Variants in SCG5 observed in about 807,000 individuals in gnomAD.
The protein encoded by SCG5 is neuroendocrine protein 7B2.
In SCG5, 18 loss-of-function variants were observed where a neutral mutation model predicts 25.7. The ratio of observed to expected loss-of-function variants is 0.70; its 90% CI spans 0.48 to 1.04. The LOEUF is 1.04. Among genes scored for constraint, SCG5 ranks in the 50% least tolerant of loss-of-function variants. The pLI is 0.00. For missense variants in SCG5, 206 were observed against 259.8 expected (o/e 0.79, Z 1.42); for synonymous variants, 101 against 91.7 (o/e 1.10, Z -0.58).
rs183863048 is a variant in SCG5, at chr15:32,678,636, A to G, written c.227-1130A>G. On this transcript the variant is annotated intron_variant, in intron 2 of 5. Coordinates refer to ENST00000300175, the MANE Select transcript of SCG5 (RefSeq NM_001144757.3). Reference sequence around the variant, plus strand: ...TTGGAAAACAGTTTGGCAATACAATATCAAGAGTCATTAAAATGTTTTATA... The same window carrying G: ...TTGGAAAACAGTTTGGCAATACAATGTCAAGAGTCATTAAAATGTTTTATA... 3.9e-5 allele frequency among the ~76,000 whole-genome samples: 6 copies of G among 152,362 alleles called. No individual in the cohort carries two copies. The East Asian group carries it at 1.2e-3, about 29-fold the overall frequency.
intron 2 of SCG5, among the ~76,000 whole-genome samples, chr15:32,646,020 G>A (rs1182324300): frequency 6.6e-6 from 1 of 151,982 alleles, no homozygotes; most frequent in African/African-American, 2.4e-5. Flanking sequence ...GGGTTTCACC[G>A]TGTTAGCCAG....
chr15:32,661,718 CT>C (rs1388640408), intron 2 of SCG5, among the ~76,000 whole-genome samples: 4 of 152,130 alleles, frequency 2.6e-5, no homozygotes, highest in Admixed American at 2.6e-4. Flanking sequence ...GCTCTAGAGG[CT>C]TTGTTTTTTC....
intron 5 of SCG5, among the ~76,000 whole-genome samples, chr15:32,693,534 C>T (rs1002367228): frequency 1.3e-5 from 2 of 152,176 alleles, no homozygotes; most frequent in African/African-American, 4.8e-5. Flanking sequence ...AGATGATGTT[C>T]CCATCTTGAT....
intron 3 of SCG5, among the ~76,000 whole-genome samples, chr15:32,680,322 AGTACCT>A (rs1418489130): frequency 2.7e-5 from 4 of 150,600 alleles, no homozygotes; most frequent in African/African-American, 9.8e-5. Flanking sequence ...CAGCCTCCCG[AGTACCT>A]GGGACTACAG....
chr15:32,657,220 T>TATATATATATATATA (rs71113464), intron 2 of SCG5, among the ~76,000 whole-genome samples: 34 of 106,534 alleles, frequency 3.2e-4, no homozygotes, highest in Middle Eastern at 5.1e-3. Context: ...TATGTATGTA[T>TATATATATATATATA]TTCCAGGTGT....
chr15:32,669,864 C>T (rs2054389907), intron 2 of SCG5, among the ~76,000 whole-genome samples: 1 of 141,028 alleles, frequency 7.1e-6, no homozygotes, highest in Non-Finnish European at 1.6e-5. Context: ...ACAAACACCG[C>T]TTCAGAAAAA....
At chr15:32,677,956 G>A (rs1432603487) in intron 2 of SCG5, among the ~76,000 whole-genome samples, 4 of 152,204 alleles carry the variant, frequency 2.6e-5, no homozygotes, top group South Asian at 4.1e-4. Flanking sequence ...GTTTTCGTAT[G>A]TATGAGACAC....
rs767858949 is a variant in SCG5, at chr15:32,696,626, G to GA, written c.*21dup. 6.4e-7 allele frequency: 1 copy of GA among 1,551,786 alleles called. No homozygotes were observed. Among genetic ancestry groups the GA allele is most frequent in the South Asian group, 1.1e-5 (1 of 88,292 alleles). On this transcript the variant is annotated 3_prime_UTR_variant, in exon 6 of 6. Coordinates refer to ENST00000300175, the MANE Select transcript of SCG5 (RefSeq NM_001144757.3). Reference sequence around the variant, plus strand: ...CCAGAGTAAAGAGAAGATGCTAGACGAAAACCCACATTACCTGTTAGGCCT... The same window carrying GA: ...CCAGAGTAAAGAGAAGATGCTAGACGAAAAACCCACATTACCTGTTAGGCCT...
chr15:32,685,061 G>A (rs1308305109), intron 4 of SCG5, among the ~76,000 whole-genome samples: 4 of 152,198 alleles, frequency 2.6e-5, no homozygotes, highest in African/African-American at 7.2e-5. Context: ...AACTAAGGGA[G>A]ATGATCTCTG....
At chr15:32,678,158 G>A (rs928423888) in intron 2 of SCG5, among the ~76,000 whole-genome samples, 2 of 152,194 alleles carry the variant, frequency 1.3e-5, no homozygotes, top group Non-Finnish European at 2.9e-5. Context: ...ACGATTTTGT[G>A]CATTTAGAAG....
chr15:32,696,376 C>G (rs775113233), intron 5 of SCG5, 138 bp from the exon 6 acceptor site: 9 of 585,938 alleles, frequency 1.5e-5, no homozygotes, highest in African/African-American at 3.7e-5. Flanking sequence ...CTCGGCCTCC[C>G]AAAGTGCTGG....
intron 2 of SCG5, among the ~76,000 whole-genome samples, chr15:32,647,099 G>C (rs1401426387): frequency 6.6e-6 from 1 of 152,088 alleles, no homozygotes; most frequent in African/African-American, 2.4e-5. Context: ...ATATGACCTT[G>C]GGCAAGTTAC....
chr15:32,670,725 T>C (rs746963946), intron 2 of SCG5, among the ~76,000 whole-genome samples: 5 of 152,278 alleles, frequency 3.3e-5, no homozygotes, highest in Non-Finnish European at 7.3e-5. Flanking sequence ...TCCCCTATTA[T>C]TGGAGAGCAA....
At chr15:32,657,862 G>A (rs1435160578) in intron 2 of SCG5, among the ~76,000 whole-genome samples, 1 of 152,166 alleles carries the variant, frequency 6.6e-6, no homozygotes, top group Non-Finnish European at 1.5e-5. Flanking sequence ...ACTTATTTAT[G>A]TAGGATCTCC....
intron 2 of SCG5, among the ~76,000 whole-genome samples, chr15:32,657,102 T>G (rs974127736): frequency 1.4e-5 from 2 of 147,716 alleles, no homozygotes; most frequent in Non-Finnish European, 3.0e-5. Context: ...GGCAGTCAAA[T>G]TAAATAATAT....
rs1478278102 is a variant in SCG5 at position 32,643,797 on chromosome 15, G to A, written c.205G>A (p.Val69Met). 3 of 1,613,698 alleles carry A rather than the reference G, an allele frequency of 1.9e-6. No individual in the cohort carries two copies. Among genetic ancestry groups the A allele is most frequent in the African/African-American group, 2.7e-5 (2 of 75,032 alleles). The change falls in exon 2 of 6, where the codon GTG (valine) becomes ATG (methionine). Residue 69 changes from valine (V) to methionine (M), a missense_variant. Coordinates refer to ENST00000300175, the MANE Select transcript of SCG5 (RefSeq NM_001144757.3). The part of the protein sequence containing the change: ...EYPAHQAMNL[V>M]GPQSIEGGAH... ...TCCAGCTCACCAGGCCATGAATCTT[G>A]TGGGCCCCCAGAGCATTGAAGGTAT...
At chr15:32,683,125 G>A (rs1251213432) in intron 3 of SCG5, among the ~76,000 whole-genome samples, 4 of 152,300 alleles carry the variant, frequency 2.6e-5, no homozygotes, top group Admixed American at 6.5e-5. Context: ...GTGGAGAGCC[G>A]CATTAGGGAT....
intron 1 of SCG5, among the ~76,000 whole-genome samples, chr15:32,642,166 AAAAG>A (rs1489200143): frequency 6.6e-6 from 1 of 152,090 alleles, no homozygotes; most frequent in Non-Finnish European, 1.5e-5. Flanking sequence ...TCTTTGCAGA[AAAAG>A]AAATTGGAGG....
chr15:32,671,003 C>T (rs2054413617), intron 2 of SCG5, among the ~76,000 whole-genome samples: 1 of 152,180 alleles, frequency 6.6e-6, no homozygotes, highest in African/African-American at 2.4e-5. Context: ...GTGCTTATTA[C>T]ATACCAGGTA....
Sources: allele counts gnomAD v4.1 joint callset (sites outside exome capture counted in the v4.1 genomes callset), GRCh38; gene constraint gnomAD v4.1.1; transcripts MANE v1.5; gene names NCBI Gene and HGNC (gene_info 2026-07-23, HGNC 2026-07-21).